The following TNIK variants were observed in gnomAD, a reference collection of about 807,000 sequenced individuals.
The protein encoded by TNIK is TRAF2 and NCK-interacting protein kinase.
A neutral mutation model predicts 191.3 loss-of-function variants in TNIK; 49 were observed. The observed-to-expected ratio is 0.26, with a 90% CI of 0.20 to 0.32. The LOEUF is 0.32. Ranked by LOEUF, TNIK falls within the 10% of genes least tolerant of loss-of-function variation. TNIK has a pLI of 1.00. For synonymous variants in TNIK, 594 were observed against 600.9 expected (o/e 0.99, Z 0.17); for missense variants, 1,155 against 1,702.3 (o/e 0.68, Z 5.66).
At chr3:171,210,925 T>C (rs569214874) in intron 4 of TNIK, among the ~76,000 whole-genome samples, 191 bp downstream of exon 4, 4 of 149,358 alleles carry the variant, frequency 2.7e-5, no homozygotes, top group Admixed American at 2.7e-4. Flanking sequence ...AGAAGGAACA[T>C]TTAGAGATCC....
At chr3:171,163,546 T>C (rs1406280079) in intron 10 of TNIK, among the ~76,000 whole-genome samples, 1 of 152,192 alleles carries the variant, frequency 6.6e-6, no homozygotes, top group Non-Finnish European at 1.5e-5. Context: ...TAGGTATGTA[T>C]GAAGCTTTCA....
intron 2 of TNIK, among the ~76,000 whole-genome samples, chr3:171,240,559 C>A (rs936074468): frequency 1.3e-5 from 2 of 152,030 alleles, no homozygotes; most frequent in Non-Finnish European, 2.9e-5. Context: ...ACTATTCCCC[C>A]CCAGTCCCCG....
At chr3:171,310,368 G>A (rs548956949) in intron 2 of TNIK, among the ~76,000 whole-genome samples, 2 of 152,134 alleles carry the variant, frequency 1.3e-5, no homozygotes, top group African/African-American at 4.8e-5. Context: ...GAGATTTACA[G>A]TCACAATTGT....
intron 1 of TNIK, among the ~76,000 whole-genome samples, chr3:171,449,675 C>A (rs1489880626): frequency 2.0e-5 from 3 of 152,162 alleles, no homozygotes; most frequent in African/African-American, 7.2e-5. Context: ...TTTGAGAATT[C>A]TTTTTATTTT....
At chr3:171,298,349 A>G (rs1404460281) in intron 2 of TNIK, among the ~76,000 whole-genome samples, 2 of 152,216 alleles carry the variant, frequency 1.3e-5, no homozygotes, top group Non-Finnish European at 2.9e-5. Context: ...GCGAATATTC[A>G]CTTGTAAAAA....
rs1717558859 is a variant in TNIK at position 171,058,575 on chromosome 3, A to T, written c.*5306T>A. Among the ~76,000 whole-genome samples the T allele has an allele frequency of 1.3e-5, 2 of 152,232 alleles. No homozygotes were observed. Among genetic ancestry groups the T allele is most frequent in the East Asian group, 1.9e-4 (1 of 5,204 alleles). Reference sequence around the variant, plus strand: ...ATGATTTTTGTATGCAAGAAAAAAAATACCTGAAAGTAACCAAAAGTTTCA... The same window carrying T: ...ATGATTTTTGTATGCAAGAAAAAAATTACCTGAAAGTAACCAAAAGTTTCA... On this transcript the variant is annotated 3_prime_UTR_variant, in exon 33 of 33. Transcript: ENST00000436636.
chr3:171,068,869 A>G lies in TNIK; in HGVS notation c.3678T>C (p.Tyr1226=), dbSNP rs1432910121. 1 of 1,613,666 alleles carries G rather than the reference A, an allele frequency of 6.2e-7. No individual in the cohort carries two copies. ...HVIDVDSGNS[Y]DIYIPSHIQG... Reference sequence around the variant, plus strand: ...TTACATGAGATGGTATGTAGATATCATAAGAGTTTCCTGAATCAACATCAA... The same window carrying G: ...TTACATGAGATGGTATGTAGATATCGTAAGAGTTTCCTGAATCAACATCAA... Residue 1226 remains tyrosine (Y), a synonymous_variant, in exon 30 of 33, where the codon TAT becomes TAC. Transcript: ENST00000436636.
chr3:171,357,131 G>A (rs947487544), intron 2 of TNIK, among the ~76,000 whole-genome samples: 3 of 152,050 alleles, frequency 2.0e-5, no homozygotes, highest in Non-Finnish European at 4.4e-5. Flanking sequence ...CATATTAGAT[G>A]GTAGGCGGAC....
intron 9 of TNIK, among the ~76,000 whole-genome samples, chr3:171,168,587 T>C (rs1033848738): frequency 1.3e-5 from 2 of 152,224 alleles, no homozygotes; most frequent in African/African-American, 4.8e-5. Flanking sequence ...TGGTATTTTT[T>C]TTTTCCGCTC....
intron 1 of TNIK, among the ~76,000 whole-genome samples, chr3:171,405,613 A>G (rs1445028408): frequency 6.6e-6 from 1 of 152,004 alleles, no homozygotes; most frequent in African/African-American, 2.4e-5. Context: ...AAGTGATAAG[A>G]AGTTGACTCC....
chr3:171,221,299 G>T (rs1247218455), intron 3 of TNIK, among the ~76,000 whole-genome samples: 5 of 152,150 alleles, frequency 3.3e-5, no homozygotes, highest in African/African-American at 1.2e-4. Context: ...GGCCTCTGTG[G>T]CAAAGGAGCT....
chr3:171,167,671 T>C (rs1451802838), intron 9 of TNIK, among the ~76,000 whole-genome samples: 1 of 152,116 alleles, frequency 6.6e-6, no homozygotes, highest in African/African-American at 2.4e-5. Flanking sequence ...AGTTCAGATA[T>C]GTAGGATGAC....
chr3:171,431,421 C>A (rs1225239655), intron 1 of TNIK, among the ~76,000 whole-genome samples: 1 of 152,002 alleles, frequency 6.6e-6, no homozygotes, highest in Non-Finnish European at 1.5e-5. Flanking sequence ...AACAGAAATA[C>A]TGGAGAGAAA....
chr3:171,332,229 G>A (rs1756482764), intron 2 of TNIK, among the ~76,000 whole-genome samples: 3 of 152,018 alleles, frequency 2.0e-5, no homozygotes, highest in Admixed American at 6.6e-5. Flanking sequence ...GTTTTAAAAG[G>A]CCACTTATCA....
intron 21 of TNIK, among the ~76,000 whole-genome samples, chr3:171,103,297 G>T (rs1723918067): frequency 6.6e-6 from 1 of 152,086 alleles, no homozygotes; most frequent in Admixed American, 6.6e-5. Flanking sequence ...CTGTTTAAAT[G>T]TAATGCATAT....
chr3:171,349,812 T>C (rs985777393), intron 2 of TNIK, among the ~76,000 whole-genome samples: 4 of 152,230 alleles, frequency 2.6e-5, no homozygotes, highest in African/African-American at 9.6e-5. Context: ...CATACATTCA[T>C]TGTGGAATAA....
At chr3:171,395,835 T>G (rs948115351) in intron 1 of TNIK, among the ~76,000 whole-genome samples, 2 of 152,180 alleles carry the variant, frequency 1.3e-5, no homozygotes, top group Non-Finnish European at 2.9e-5. Context: ...GGAAATCATC[T>G]GACTGTCTTT....
chr3:171,138,912 A>T (rs1730397274), intron 14 of TNIK, among the ~76,000 whole-genome samples: 1 of 152,234 alleles, frequency 6.6e-6, no homozygotes, highest in African/African-American at 2.4e-5. Flanking sequence ...GTTCAGTTTT[A>T]AAAAATACAC....
At position 171,437,615 on chromosome 3, in the gene TNIK, A is replaced by G. The variant is rs377157943; in HGVS notation, c.57+22392T>C. Reference sequence around the variant, plus strand: ...ATCCTCTCCTTCCATATTAGATTGGACCAGCCAGAGGCAGGCCCTTCTCTG... The same window carrying G: ...ATCCTCTCCTTCCATATTAGATTGGGCCAGCCAGAGGCAGGCCCTTCTCTG... On this transcript the variant is annotated intron_variant, in intron 1 of 32. Transcript: ENST00000436636. Among the ~76,000 whole-genome samples, 164 of 152,322 alleles carry G rather than the reference A, an allele frequency of 1.1e-3. 1 individual carries two copies. Among genetic ancestry groups the G allele is most frequent in the African/African-American group, 3.7e-3 (155 of 41,574 alleles).
Sources: gnomAD v4.1 joint callset for allele counts (sites outside exome capture counted in the v4.1 genomes callset) on GRCh38, gnomAD v4.1.1 for gene constraint, MANE v1.5 for transcripts, NCBI Gene and HGNC (gene_info 2026-07-23, HGNC 2026-07-21) for gene names.